TPT1: variants seen among roughly 807,000 people sequenced by gnomAD.
TPT1 encodes the protein tumor protein, translationally-controlled 1.
TPT1 carries 5 observed loss-of-function variants against 22.8 expected under a neutral mutation model. The observed-to-expected ratio is 0.22, with a 90% CI of 0.11 to 0.46. TPT1 has a LOEUF of 0.46. Ranked by LOEUF, TPT1 falls within the 20% of genes least tolerant of loss-of-function variation. The pLI, the probability that TPT1 is intolerant of heterozygous loss-of-function variation, is 0.99. For synonymous variants in TPT1, 89 were observed against 73.6 expected, an observed-to-expected ratio of 1.21 and a Z score of -1.07; for missense variants, 130 against 218.7, an observed-to-expected ratio of 0.59 and a Z score of 2.56.
At position 45,340,132 on chromosome 13, in the gene TPT1, G is replaced by T. The variant is rs751400921; in HGVS notation, c.155C>A (p.Ala52Asp). 1.2e-6 allele frequency: 2 copies of T among 1,614,060 alleles called. No homozygotes were observed. The highest frequency in any genetic ancestry group is 1.7e-6 in the Non-Finnish European group (2 of 1,179,980). Residue 52 changes from alanine (A) to aspartate (D), a missense_variant, in exon 3 of 6, where the codon GCC becomes GAC. Physicochemically the swap from Ala to Asp is moderately radical, Grantham distance 126 (BLOSUM62 -2). Coordinates refer to ENST00000530705, the MANE Select transcript of TPT1 (RefSeq NM_003295.4). ...NIDDSLIGGN[A>D]SAEGPEGEGT... ...TTCGCCCTCGGGGCCTTCAGCGGAGGCATTTCCACCAATGAGCGAGTCATC... is the reference window on the plus strand; with the variant it reads ...TTCGCCCTCGGGGCCTTCAGCGGAGTCATTTCCACCAATGAGCGAGTCATC...
In TPT1 at chr13:45,335,083, AACTTAGCATCAAAAAC is replaced by A. The variant is rs1377632508; in HGVS notation, c.*2287_*2302del. ...AGGCTACTAAAGCATGCCTTTGTTAAACTTAGCATCAAAAACAAAATGTTATGAGCTTTCTGATGTT... is the reference window on the plus strand; with the variant it reads ...AGGCTACTAAAGCATGCCTTTGTTAAAAAATGTTATGAGCTTTCTGATGTT... On this transcript the variant is annotated 3_prime_UTR_variant, in exon 6 of 6. Transcript: ENST00000530705. 2 of 152,226 alleles carry A rather than the reference AACTTAGCATCAAAAAC, an allele frequency of 1.3e-5. No homozygotes were observed. Among genetic ancestry groups the A allele is most frequent in the Non-Finnish European group, 1.5e-5 (1 of 68,044 alleles). 9.4% of individuals were successfully genotyped at this position (152,226 alleles called of 1,614,324 possible).
In TPT1 at chr13:45,341,043, G is replaced by A. The variant is rs1879094313; in HGVS notation, c.27C>T (p.Ser9=). The A allele has an allele frequency of 6.2e-7, 1 of 1,613,150 alleles. No individual in the cohort carries two copies. The highest frequency in any genetic ancestry group is 2.2e-5 in the East Asian group (1 of 44,832). Residue 9 remains serine (S), a splice_region_variant and synonymous_variant, in exon 1 of 6, where the codon AGC becomes AGT. Coordinates refer to ENST00000530705, the MANE Select transcript of TPT1 (RefSeq NM_003295.4). ...AAGGATAGTGCAGTGAGGACTCACG[G>A]CTGATGAGGTCCCGGTAGATAATCA... MIIYRDLI[S]HDEMFSDIYK...
intron 4 of TPT1, 58 bp from the exon 5 acceptor site, chr13:45,338,834 C>G: frequency 7.2e-7 from 1 of 1,389,806 alleles, no homozygotes; most frequent in South Asian, 1.4e-5. Flanking sequence ...ACATGCCATT[C>G]AAAACAAACT....
rs1364870703 is a variant in TPT1, at chr13:45,334,772, C to G, written c.*2614G>C. Reference sequence around the variant, plus strand: ...TATCATGTAACTCTTCTGCTCAGAGCGCCTGTGGTTTCCTTGAGGTCTGGT... The same window carrying G: ...TATCATGTAACTCTTCTGCTCAGAGGGCCTGTGGTTTCCTTGAGGTCTGGT... On this transcript the variant is annotated 3_prime_UTR_variant, in exon 6 of 6. Transcript: ENST00000530705. 1 of 152,250 alleles carries G rather than the reference C, an allele frequency of 6.6e-6. No homozygotes were observed. Among genetic ancestry groups the G allele is most frequent in the South Asian group, 2.1e-4 (1 of 4,830 alleles). 9.4% of individuals were successfully genotyped at this position (152,250 alleles called of 1,614,324 possible).
chr13:45,338,695 T>G lies in TPT1; in HGVS notation c.481A>C (p.Ile161Leu). Residue 161 changes from isoleucine to leucine, a missense_variant, in exon 5 of 6, where the codon ATT becomes CTT. Ile to Leu is a conservative substitution (Grantham distance 5). Coordinates refer to ENST00000530705, the MANE Select transcript of TPT1 (RefSeq NM_003295.4). ...ATTTCTAAACCATCCTTAAAGAAAA[T>G]CATATATGGGGTCACACCATCCTCA... ...YREDGVTPYMIFFKDGLEMEK... is the reference protein window; with the variant it reads ...YREDGVTPYMLFFKDGLEMEK... The G allele has an allele frequency of 6.2e-7, 1 of 1,613,586 alleles. No individual in the cohort carries two copies. Among genetic ancestry groups the G allele is most frequent in the South Asian group, 1.1e-5 (1 of 90,906 alleles).
At position 45,337,317 on chromosome 13, in the gene TPT1, G is replaced by A. The variant is rs1046778000; in HGVS notation, c.*69C>T. The A allele has an allele frequency of 6.9e-7, 1 of 1,458,490 alleles. No homozygotes were observed. The highest frequency in any genetic ancestry group is 9.6e-7 in the Non-Finnish European group (1 of 1,039,430). 90.3% of individuals were successfully genotyped at this position (1,458,490 alleles called of 1,614,324 possible). ...AGTCCCATTTGTCTTAAGTCCTGGT[G>A]TTGTGTGGATGACAAGCAGAAGCCA... On this transcript the variant is annotated 3_prime_UTR_variant, in exon 6 of 6. Transcript: ENST00000530705.
rs748601700 is a variant in TPT1, at chr13:45,340,088, T to G, written c.199A>C (p.Ile67Leu). The change falls in exon 3 of 6, where the codon ATC becomes CTC. Residue 67 changes from isoleucine to leucine, a missense_variant. Transcript: ENST00000530705. ...PEGEGTESTV[I>L]TGVDIVMNHH... Reference sequence around the variant, plus strand: ...TTCATGACAATATCGACACCAGTGATTACTGTGCTTTCGGTACCTTCGCCC... The same window carrying G: ...TTCATGACAATATCGACACCAGTGAGTACTGTGCTTTCGGTACCTTCGCCC... The G allele has an allele frequency of 9.3e-6, 15 of 1,614,094 alleles. No homozygotes were observed. Among genetic ancestry groups the G allele is most frequent in the Non-Finnish European group, 1.3e-5 (15 of 1,180,052 alleles).
Position 45,336,035 on chromosome 13 carries a change from A to T in TPT1, c.*1351T>A, listed in dbSNP as rs1878660724. ...TATTTCCCAAAACTCACGTTTTGAA[A>T]ATTCCCCTCCCAGGCTAGGCCTGCA... is the stretch of plus-strand genomic sequence containing the variant. On this transcript the variant is annotated 3_prime_UTR_variant, in exon 6 of 6. Transcript: ENST00000530705. The T allele has an allele frequency of 6.6e-6, 1 of 150,882 alleles. No homozygotes were observed. Among genetic ancestry groups the T allele is most frequent in the African/African-American group, 2.5e-5 (1 of 40,218 alleles). 9.3% of individuals were successfully genotyped at this position (150,882 alleles called of 1,614,324 possible).
At position 45,334,590 on chromosome 13, in the gene TPT1, A is replaced by AGCATATC. The variant is rs773489099; in HGVS notation, c.*2789_*2795dup. Reference sequence around the variant, plus strand: ...AACATTAAATCCATCCTCACCCACCAGCATATCCTGTTGTCTCTATCTTCA... The same window carrying AGCATATC: ...AACATTAAATCCATCCTCACCCACCAGCATATCGCATATCCTGTTGTCTCTATCTTCA... On this transcript the variant is annotated 3_prime_UTR_variant, in exon 6 of 6. Transcript: ENST00000530705. The AGCATATC allele has an allele frequency of 2.6e-5, 4 of 152,184 alleles. No homozygotes were observed. The highest frequency in any genetic ancestry group is 5.9e-5 in the Non-Finnish European group (4 of 68,040). 9.4% of individuals were successfully genotyped at this position (152,184 alleles called of 1,614,324 possible). A position where few individuals can be genotyped will look rare whatever the true frequency, so the allele number is the denominator to read the frequency against.
intron 2 of TPT1, 69 bp from the exon 3 acceptor site, chr13:45,340,253 G>T: frequency 6.6e-7 from 1 of 1,513,972 alleles, no homozygotes; most frequent in Non-Finnish European, 9.0e-7. Context: ...CACGCCAATA[G>T]TTCACGGATA....
rs753349796 is a variant in TPT1 at position 45,339,545 on chromosome 13, C to A, written c.351G>T (p.Gly117=). Residue 117 remains glycine, a synonymous_variant, in exon 4 of 6, where the codon GGG becomes GGT. Transcript: ENST00000530705. ...RPERVKPFMT[G]AAEQIKHILA... Reference sequence around the variant, plus strand: ...GGATGTGCTTGATTTGTTCTGCAGCCCCTGTCATAAAAGGTTTTACTCTTT... The same window carrying A: ...GGATGTGCTTGATTTGTTCTGCAGCACCTGTCATAAAAGGTTTTACTCTTT... 1 of 1,613,688 alleles carries A rather than the reference C, an allele frequency of 6.2e-7. No homozygotes were observed. The highest frequency in any genetic ancestry group is 8.5e-7 in the Non-Finnish European group (1 of 1,179,886).
chr13:45,339,283 A>G, intron 4 of TPT1: 1 of 451,642 alleles, frequency 2.2e-6, no homozygotes, highest in Non-Finnish European at 3.9e-6. Flanking sequence ...AAGAACACTT[A>G]GGTGGTTAAG....
chr13:45,340,878 T>TCC (rs1879073206), intron 1 of TPT1, 93 bp from the exon 2 acceptor site: 5 of 1,460,244 alleles, frequency 3.4e-6, no homozygotes, highest in Non-Finnish European at 3.6e-6. Flanking sequence ...GATCTGCCCC[T>TCC]CCGTAGCACA....
rs768359589 is a variant in TPT1 at position 45,340,369 on chromosome 13, T to C, written c.103-185A>G. 9.8e-6 allele frequency: 9 copies of C among 917,600 alleles called. No homozygotes were observed. The South Asian group carries it at 1.3e-4, about 13-fold the overall frequency. 56.8% of individuals were successfully genotyped at this position (917,600 alleles called of 1,614,324 possible). ...GACCTAACTTAAAAGAGTTGTCTGT[T>C]GGCCGGAACAAAAAATGGGGTCATT... is the stretch of plus-strand genomic sequence containing the variant. On this transcript the variant is annotated intron_variant, in intron 2 of 5. Transcript: ENST00000530705.
chr13:45,337,478 A>G (rs1715322628), intron 5 of TPT1, 90 bp from the exon 6 acceptor site: 1 of 1,614,158 alleles, frequency 6.2e-7, no homozygotes, highest in Non-Finnish European at 8.5e-7. Context: ...TTTCCAGGCT[A>G]AAGATGTATT....
At position 45,341,086 on chromosome 13, in the gene TPT1, AGAC is replaced by A; in HGVS notation, c.-20_-18del. The A allele has an allele frequency of 6.2e-7, 1 of 1,612,826 alleles. No individual in the cohort carries two copies. The highest frequency in any genetic ancestry group is 8.5e-7 in the Non-Finnish European group (1 of 1,179,352). On this transcript the variant is annotated 5_prime_UTR_variant, in exon 1 of 6. Coordinates refer to ENST00000530705, the MANE Select transcript of TPT1 (RefSeq NM_003295.4). ...GATAATCATGATGGCGACTGAAGGG[AGAC>A]GACGACGGCGCTAGCTTAGCACGAG...
rs1279527070 is a variant in TPT1, at chr13:45,341,156, C to CG, written c.-88dup. ...AGCGCGGTGCAGCCGGAGCGGCGCT[C>CG]GGGGGGAGGGGGGAGCGGGCGGAAA... is the stretch of plus-strand genomic sequence containing the variant. On this transcript the variant is annotated 5_prime_UTR_variant, in exon 1 of 6. Coordinates refer to ENST00000530705, the MANE Select transcript of TPT1 (RefSeq NM_003295.4). 8.9e-6 allele frequency: 14 copies of CG among 1,566,914 alleles called. No homozygotes were observed. Among genetic ancestry groups the CG allele is most frequent in the African/African-American group, 5.4e-5 (4 of 73,506 alleles).
chr13:45,340,963 G>C lies in TPT1; in HGVS notation c.28+79C>G. 4 of 1,556,892 alleles carry C rather than the reference G, an allele frequency of 2.6e-6. No homozygotes were observed. The South Asian group carries it at 3.5e-5, about 14-fold the overall frequency. On this transcript the variant is annotated intron_variant, in intron 1 of 5. Coordinates refer to ENST00000530705, the MANE Select transcript of TPT1 (RefSeq NM_003295.4). ...GACCGCCGGCGTCCCCTAGGCCCGCGACGGCTGCGCCTTCCCCGCCCCCAC... is the reference window on the plus strand; with the variant it reads ...GACCGCCGGCGTCCCCTAGGCCCGCCACGGCTGCGCCTTCCCCGCCCCCAC...
rs191977043 is a variant in TPT1 at position 45,338,957 on chromosome 13, G to A, written c.400-181C>T. On this transcript the variant is annotated intron_variant, in intron 4 of 5. Coordinates refer to ENST00000530705, the MANE Select transcript of TPT1 (RefSeq NM_003295.4). ...CACTGGATTAAGGCACCTTAATAGT[G>A]ACCTAAATAGAAAAATAACGTACAG... The A allele has an allele frequency of 4.3e-3, 2,159 of 498,576 alleles. 19 individuals are homozygous for A. The highest frequency in any genetic ancestry group is 9.8e-3 in the Middle Eastern group (34 of 3,476). The allele number at this position is 498,576 out of a possible 1,614,324, so 30.9% of individuals were successfully genotyped here. A position where few individuals can be genotyped will look rare whatever the true frequency, so the allele number is the denominator to read the frequency against.
Sources: gnomAD v4.1 joint callset for allele counts on GRCh38, gnomAD v4.1.1 for gene constraint, MANE v1.5 for transcripts, NCBI Gene and HGNC (gene_info 2026-07-23, HGNC 2026-07-21) for gene names.